PGC: variants seen among roughly 807,000 people sequenced by gnomAD.
The protein encoded by PGC is progastricsin, also known as gastricsin.
Under a neutral mutation model 45.9 loss-of-function variants are expected in PGC, and 31 were observed. The observed-to-expected ratio is 0.67, with a 90% confidence interval of 0.51 to 0.91. The LOEUF (loss-of-function observed/expected upper bound fraction) is 0.91, where lower values mean the gene tolerates loss of function less well. Among genes scored for constraint, PGC ranks in the 40% least tolerant of loss-of-function variants. PGC has a pLI of 0.00. For missense variants in PGC, 477 were observed against 493.2 expected, an observed-to-expected ratio of 0.97 and a Z score of 0.31; for synonymous variants, 192 against 201.8, an observed-to-expected ratio of 0.95 and a Z score of 0.41.
intron 8 of PGC, 49 bp from the exon 9 acceptor site, chr6:41,737,053 T>G: frequency 6.4e-7 from 1 of 1,554,486 alleles, no homozygotes; most frequent in Non-Finnish European, 8.8e-7. Flanking sequence ...ACACATGAGC[T>G]GGGCCCTGCT....
intron 5 of PGC, chr6:41,741,725 G>C: frequency 5.8e-6 from 6 of 1,040,046 alleles, no homozygotes; most frequent in Non-Finnish European, 8.6e-6. Context: ...GCCCCAGGCC[G>C]CTCACCCCCA....
At chr6:41,741,735 A>G (rs1771828898) in intron 5 of PGC, 1 of 1,185,732 alleles carries the variant, frequency 8.4e-7, no homozygotes. Context: ...GCTCACCCCC[A>G]CCCACTGCCT....
At position 41,744,612 on chromosome 6, in the gene PGC, G is replaced by T. The variant is rs1771892888; in HGVS notation, c.210+46C>A. On this transcript the variant is annotated intron_variant, in intron 2 of 8. Coordinates refer to ENST00000373025, the MANE Select transcript of PGC (RefSeq NM_002630.4). This position sits in a 1 kb window ranked among gnomAD's most constrained non-coding sequence, Gnocchi z 4.4. ...TGAAGGGACCTGCCCCTTCCCTCCA[G>T]CCCACACCAGAGAGAAGGCTACCGC... The T allele has an allele frequency of 6.2e-7, 1 of 1,608,400 alleles. No individual in the cohort carries two copies. The highest frequency in any genetic ancestry group is 8.5e-7 in the Non-Finnish European group (1 of 1,175,534).
chr6:41,742,420 A>G lies in PGC; in HGVS notation c.517T>C (p.Tyr173His). Residue 173 changes from tyrosine (Y) to histidine (H), a missense_variant, in exon 5 of 9, where the codon TAT (tyrosine) becomes CAT (histidine). Physicochemically the swap from Tyr to His is moderately conservative, Grantham distance 83. Coordinates refer to ENST00000373025, the MANE Select transcript of PGC (RefSeq NM_002630.4). The stretch of plus-strand genomic sequence containing the variant: ...CCCATGATGCCATCAAACTGCGCAT[A>G]GACGAAGTTGGTACCAGGCTCATTC... ...SENEPGTNFV[Y>H]AQFDGIMGLA... The G allele has an allele frequency of 6.2e-7, 1 of 1,614,154 alleles. No homozygotes were observed. The highest frequency in any genetic ancestry group is 8.5e-7 in the Non-Finnish European group (1 of 1,180,032).
intron 1 of PGC, among the ~76,000 whole-genome samples, chr6:41,745,841 G>A (rs1771922117): frequency 6.6e-6 from 1 of 151,220 alleles, no homozygotes; most frequent in South Asian, 2.1e-4. Context: ...GAGCCACTGC[G>A]CCCAGCCCAG....
chr6:41,745,184 T>C (rs1212644598), intron 1 of PGC, among the ~76,000 whole-genome samples: 1 of 151,968 alleles, frequency 6.6e-6, no homozygotes, highest in Admixed American at 6.6e-5. Flanking sequence ...AAATATCCCA[T>C]AGATTCCTCC....
chr6:41,742,833 C>T (rs949739203), intron 4 of PGC, among the ~76,000 whole-genome samples: 2 of 152,176 alleles, frequency 1.3e-5, no homozygotes, highest in Non-Finnish European at 2.9e-5. Context: ...ACCATGTTGG[C>T]CAGGATGGTC....
chr6:41,739,226 C>T (rs952774399), intron 7 of PGC, among the ~76,000 whole-genome samples: 12 of 152,190 alleles, frequency 7.9e-5, no homozygotes, highest in Non-Finnish European at 1.3e-4. Context: ...GCAAGCATTT[C>T]CTCTGTTTCT....
chr6:41,747,107 C>G (rs541615952), intron 1 of PGC, among the ~76,000 whole-genome samples, 169 bp downstream of exon 1: 1 of 152,220 alleles, frequency 6.6e-6, no homozygotes, highest in Non-Finnish European at 1.5e-5. Context: ...GGGGCTGTGT[C>G]TCCTTCCACC....
rs757146105 is a variant in PGC, at chr6:41,743,251, C to G, written c.447+20G>C. On this transcript the variant is annotated intron_variant, in intron 4 of 8. Coordinates refer to ENST00000373025, the MANE Select transcript of PGC (RefSeq NM_002630.4). Reference sequence around the variant, plus strand: ...GCTTATAGCTCACAGCCCCAGCCTCCACTCCCCATGCCCACTCACAGTCAG... The same window carrying G: ...GCTTATAGCTCACAGCCCCAGCCTCGACTCCCCATGCCCACTCACAGTCAG... 1 of 1,432,610 alleles carries G rather than the reference C, an allele frequency of 7.0e-7. No homozygotes were observed. The highest frequency in any genetic ancestry group is 1.4e-5 in the African/African-American group (1 of 71,450). 88.7% of individuals were successfully genotyped at this position (1,432,610 alleles called of 1,614,324 possible).
At position 41,744,640 on chromosome 6, in the gene PGC, G is replaced by C; in HGVS notation, c.210+18C>G. On this transcript the variant is annotated intron_variant, in intron 2 of 8. Coordinates refer to ENST00000373025, the MANE Select transcript of PGC (RefSeq NM_002630.4). The surrounding 1 kb of genome is among the most constrained non-coding windows in gnomAD (Gnocchi z 4.4). Reference sequence around the variant, plus strand: ...CACACCAGAGAGAAGGCTACCGCCAGAAAGGGTCAGGACTCACATCCATGT... The same window carrying C: ...CACACCAGAGAGAAGGCTACCGCCACAAAGGGTCAGGACTCACATCCATGT... 1 of 1,613,378 alleles carries C rather than the reference G, an allele frequency of 6.2e-7. No homozygotes were observed. Among genetic ancestry groups the C allele is most frequent in the South Asian group, 1.1e-5 (1 of 91,028 alleles).
chr6:41,740,718 G>A lies in PGC; in HGVS notation c.648-108C>T, dbSNP rs1351279990. 12 of 1,485,976 alleles carry A rather than the reference G, an allele frequency of 8.1e-6. No individual in the cohort carries two copies. In the Admixed American group the frequency reaches 2.8e-4, roughly 35 times the overall value. The allele number at this position is 1,485,976 out of a possible 1,614,324, so 92.0% of individuals were successfully genotyped here. On this transcript the variant is annotated intron_variant, in intron 5 of 8. Transcript: ENST00000373025. ...CAGAGCTCCTTCCCTGATCCAGACGGGGGCTCCCTGAGGAGAGCACTGAGT... is the reference window on the plus strand; with the variant it reads ...CAGAGCTCCTTCCCTGATCCAGACGAGGGCTCCCTGAGGAGAGCACTGAGT...
At chr6:41,737,126 G>C in intron 8 of PGC, 122 bp from the exon 9 acceptor site, 1 of 988,444 alleles carries the variant, frequency 1.0e-6, no homozygotes, top group Non-Finnish European at 1.5e-6. Flanking sequence ...TCTCTGCCTT[G>C]AGGGCTCATA....
chr6:41,738,579 G>A (rs1771760472), intron 7 of PGC, among the ~76,000 whole-genome samples: 1 of 151,904 alleles, frequency 6.6e-6, no homozygotes. Context: ...AGTGAGCTGA[G>A]ATTGTGTCAC....
chr6:41,743,511 C>T, intron 3 of PGC, 122 bp from the exon 4 acceptor site: 1 of 711,216 alleles, frequency 1.4e-6, no homozygotes, highest in Non-Finnish European at 2.6e-6. Flanking sequence ...GGGACCTCAG[C>T]ACCCCTGGTT....
chr6:41,739,989 C>T (rs778243706), intron 6 of PGC, 43 bp from the exon 7 acceptor site: 36 of 1,589,440 alleles, frequency 2.3e-5, no homozygotes, highest in Non-Finnish European at 3.0e-5. Context: ...TCCCCCAGTT[C>T]AGGGCAGCTG....
intron 3 of PGC, among the ~76,000 whole-genome samples, chr6:41,743,628 C>A (rs1054467299): frequency 2.0e-5 from 3 of 152,164 alleles, no homozygotes; most frequent in Non-Finnish European, 4.4e-5. Flanking sequence ...CTGTGGCCTC[C>A]CTGTGGACAG....
At chr6:41,741,705 A>G in intron 5 of PGC, 1 of 831,158 alleles carries the variant, frequency 1.2e-6, no homozygotes, top group Non-Finnish European at 1.9e-6. Context: ...AGAAGAACAA[A>G]GAAAAGCAGG....
At chr6:41,742,070 G>A (rs1309636432) in intron 5 of PGC, among the ~76,000 whole-genome samples, 3 of 152,152 alleles carry the variant, frequency 2.0e-5, no homozygotes, top group East Asian at 1.9e-4. Flanking sequence ...AAGACAAGTC[G>A]GAGGGGACTG....
Sources: gnomAD v4.1 joint callset for allele counts (sites outside exome capture counted in the v4.1 genomes callset) on GRCh38, gnomAD v4.1.1 for gene constraint, Gnocchi (gnomAD v3.1) non-coding constraint, MANE v1.5 for transcripts, NCBI Gene and HGNC (gene_info 2026-07-23, HGNC 2026-07-21) for gene names.